TTLL12: variants seen among roughly 807,000 people sequenced by gnomAD.
TTLL12 encodes tubulin tyrosine ligase like 12.
TTLL12 carries 77 observed loss-of-function variants against 79.6 expected under a neutral mutation model. The observed-to-expected ratio is 0.97, with a 90% CI of 0.81 to 1.17. The LOEUF (loss-of-function observed/expected upper bound fraction) is 1.17. TTLL12 is among the 50% of genes most tolerant of loss of function. The pLI, the probability that TTLL12 is intolerant of heterozygous loss-of-function variation, is 0.00. For missense variants in TTLL12, 969 were observed against 895.9 expected (o/e 1.08, Z -1.04); for synonymous variants, 437 against 376.1 (o/e 1.16, Z -1.87).
At chr22:43,173,886 C>A (rs1036559171) in intron 8 of TTLL12, 60 bp from the exon 9 acceptor site, 4 of 1,486,090 alleles carry the variant, frequency 2.7e-6, no homozygotes, top group African/African-American at 2.8e-5. Context: ...GATGGTGCCA[C>A]CCCAGGACCC....
In TTLL12 at chr22:43,184,502, G is replaced by C. The variant is rs938239240; in HGVS notation, c.178-1353C>G. ...AACATGAGGCTACGGGGTGAGGATG[G>C]AAAGGAACTCCACGCAGAGGGAAGA... On this transcript the variant is annotated intron_variant, in intron 1 of 13. Transcript: ENST00000216129. Among the ~76,000 whole-genome samples the C allele has an allele frequency of 3.9e-5, 6 of 152,244 alleles. No individual in the cohort carries two copies. In the South Asian group the frequency reaches 1.2e-3, roughly 31 times the overall value.
intron 8 of TTLL12, 151 bp downstream of exon 8, chr22:43,174,058 G>A: frequency 8.6e-7 from 1 of 1,157,778 alleles, no homozygotes; most frequent in Non-Finnish European, 1.2e-6. Context: ...AGGTCCTGCG[G>A]TCCGTGAAGA....
chr22:43,167,529 T>G lies in TTLL12; in HGVS notation c.*479A>C, dbSNP rs1001102176. 1.0e-5 allele frequency: 2 copies of G among 200,916 alleles called. No individual in the cohort carries two copies. The highest frequency in any genetic ancestry group is 4.7e-5 in the African/African-American group (2 of 42,718). The allele number at this position is 200,916 out of a possible 1,614,324, so 12.4% of individuals were successfully genotyped here. On this transcript the variant is annotated 3_prime_UTR_variant, in exon 14 of 14. Transcript: ENST00000216129. ...CACAGCCGTCCCGGGGTCGTCCTGATGCATAAGAGCAGAGACCCCGGAAGA... is the reference window on the plus strand; with the variant it reads ...CACAGCCGTCCCGGGGTCGTCCTGAGGCATAAGAGCAGAGACCCCGGAAGA...
Position 43,168,829 on chromosome 22 carries a change from T to C in TTLL12, c.1728A>G (p.Ser576=), listed in dbSNP as rs762903944. ...GGTCGACGGCATACATGGCCCGGGA[T>C]GAGGGGTAGTCGCAGAGGCCCAGGG... The part of the protein sequence containing the change: ...PPPLGLCDYP[S]SRAMYAVDLM... The change falls in exon 13 of 14, where the codon TCA becomes TCG. Residue 576 remains serine (S), a synonymous_variant. Coordinates refer to ENST00000216129, the MANE Select transcript of TTLL12 (RefSeq NM_015140.4). The C allele has an allele frequency of 7.5e-6, 12 of 1,596,920 alleles. No homozygotes were observed. Among genetic ancestry groups the C allele is most frequent in the Middle Eastern group, 1.7e-4 (1 of 6,042 alleles).
rs1372399553 is a variant in TTLL12 at position 43,174,523 on chromosome 22, T to C, written c.1010A>G (p.Asn337Ser). 2 of 1,613,114 alleles carry C rather than the reference T, an allele frequency of 1.2e-6. No individual in the cohort carries two copies. The highest frequency in any genetic ancestry group is 1.3e-5 in the African/African-American group (1 of 74,918). The change falls in exon 7 of 14, where the codon AAC (asparagine) becomes AGC (serine). Residue 337 changes from asparagine (N) to serine (S), a missense_variant. Coordinates refer to ENST00000216129, the MANE Select transcript of TTLL12 (RefSeq NM_015140.4). ...CCTGTAGTCCTTGAAGTGTGAGAAG[T>C]TGAAGAGGATGTCGGCGTCCGCCTC... is the stretch of plus-strand genomic sequence containing the variant. ...QSEADADILF[N>S]FSHFKDYRKL... is the part of the protein sequence containing the mutation.
At chr22:43,185,259 A>C (rs1407494607) in intron 1 of TTLL12, among the ~76,000 whole-genome samples, 187 of 7,640 alleles carry the variant, frequency 0.024, 40 homozygotes, top group Non-Finnish European at 0.062. Flanking sequence ...ATATATATAT[A>C]TATATATATA....
chr22:43,168,727 A>G (rs763612310), intron 13 of TTLL12, 47 bp downstream of exon 13: 2 of 1,542,658 alleles, frequency 1.3e-6, no homozygotes, highest in Admixed American at 2.0e-5. Context: ...TGGCTGGCGG[A>G]GGGGGCGCCT....
chr22:43,176,321 T>TG lies in TTLL12; in HGVS notation c.915dup (p.Lys306GlnfsTer24). On this transcript the variant is annotated frameshift_variant and splice_region_variant, in exon 6 of 14. Coordinates refer to ENST00000216129, the MANE Select transcript of TTLL12 (RefSeq NM_015140.4). LOFTEE classifies it high-confidence loss of function. Reference sequence around the variant, plus strand: ...AAGCAGTGGGGGGGGGCTACGCACTTGAAGATGTGGCCGTGGGGGTGCACC... The same window carrying TG: ...AAGCAGTGGGGGGGGGCTACGCACTTGGAAGATGTGGCCGTGGGGGTGCACC... The TG allele has an allele frequency of 6.3e-7, 1 of 1,593,154 alleles. No individual in the cohort carries two copies. Among genetic ancestry groups the TG allele is most frequent in the South Asian group, 1.1e-5 (1 of 87,536 alleles).
At chr22:43,168,994 G>T in intron 12 of TTLL12, 82 bp from the exon 13 acceptor site, 1 of 1,486,204 alleles carries the variant, frequency 6.7e-7, no homozygotes, top group Non-Finnish European at 8.9e-7. Context: ...CCCAAGTCCC[G>T]GGCCCCACGT....
At chr22:43,182,006 CGG>C (rs1569486934) in intron 2 of TTLL12, among the ~76,000 whole-genome samples, 1 of 86,730 alleles carries the variant, frequency 1.2e-5, no homozygotes, top group East Asian at 4.3e-4. Flanking sequence ...GATGAAGGCC[CGG>C]AAGCAGAAAG....
intron 2 of TTLL12, among the ~76,000 whole-genome samples, chr22:43,181,286 C>T (rs1932050157): frequency 6.6e-6 from 1 of 152,250 alleles, no homozygotes; most frequent in African/African-American, 2.4e-5. Context: ...AATAAACACA[C>T]CAGCAGTCAC....
Position 43,173,754 on chromosome 22 carries a change from G to A in TTLL12, c.1302C>T (p.Ser434=), listed in dbSNP as rs746940791. ...CTCGGTGCCGGATGATGCTGTGCAG[G>A]CTCTTGGTGACGTGGGTGTCCAGGC... ...ARSLDTHVTK[S]LHSIIRHRES... is the part of the protein sequence containing the mutation. The change falls in exon 9 of 14, where the codon AGC becomes AGT. Residue 434 remains serine, a synonymous_variant. Coordinates refer to ENST00000216129, the MANE Select transcript of TTLL12 (RefSeq NM_015140.4). The A allele has an allele frequency of 6.2e-7, 1 of 1,604,454 alleles. No individual in the cohort carries two copies. The highest frequency in any genetic ancestry group is 2.2e-5 in the East Asian group (1 of 44,870).
intron 12 of TTLL12, 57 bp from the exon 13 acceptor site, chr22:43,168,969 G>C: frequency 6.5e-7 from 1 of 1,541,794 alleles, no homozygotes; most frequent in Non-Finnish European, 8.7e-7. Flanking sequence ...CTCAAGAGGG[G>C]GTCTGCTGCC....
rs779640627 is a variant in TTLL12, at chr22:43,173,799, C to T, written c.1257G>A (p.Lys419=). ...CCAGGCTGCGCGCCAGGTTCCAGGG[C>T]TTGCAGATCCAGTGGTTGTCCTCGC... ...RWGEDNHWIC[K]PWNLARSLDT... is the part of the protein sequence containing the mutation. Residue 419 remains lysine, a synonymous_variant, in exon 9 of 14, where the codon AAG becomes AAA. Coordinates refer to ENST00000216129, the MANE Select transcript of TTLL12 (RefSeq NM_015140.4). 3.1e-6 allele frequency: 5 copies of T among 1,604,572 alleles called. No homozygotes were observed. The South Asian group carries it at 4.4e-5, about 14-fold the overall frequency.
In TTLL12 at chr22:43,171,981, C is replaced by T. The variant is rs1348021737; in HGVS notation, c.1494-81G>A. On this transcript the variant is annotated intron_variant, in intron 10 of 13. Coordinates refer to ENST00000216129, the MANE Select transcript of TTLL12 (RefSeq NM_015140.4). The stretch of plus-strand genomic sequence containing the variant: ...GGGAGGTGCCACCCACTCAGCCTTC[C>T]CAACTAGGGGTTCAGGGCTCAGGGC... The T allele has an allele frequency of 6.5e-6, 8 of 1,227,096 alleles. No individual in the cohort carries two copies. The East Asian group carries it at 2.0e-4, about 31-fold the overall frequency. 76.0% of individuals were successfully genotyped at this position (1,227,096 alleles called of 1,614,324 possible).
intron 6 of TTLL12, 49 bp downstream of exon 6, chr22:43,176,271 G>C: frequency 1.5e-6 from 2 of 1,355,276 alleles, no homozygotes; most frequent in Non-Finnish European, 2.1e-6. Flanking sequence ...CATGGGAGGC[G>C]GGGACTGCGG....
At chr22:43,174,465 C>T (rs770902732) in intron 7 of TTLL12, 34 bp downstream of exon 7, 48 of 1,581,242 alleles carry the variant, frequency 3.0e-5, no homozygotes, top group Non-Finnish European at 4.1e-5. Context: ...GAAGCCCTGA[C>T]TGGGAGGGCC....
At chr22:43,174,170 A>G (rs1467292778) in intron 8 of TTLL12, 39 bp downstream of exon 8, 3 of 1,579,606 alleles carry the variant, frequency 1.9e-6, no homozygotes, top group South Asian at 1.1e-5. Context: ...GCCGGGGAAA[A>G]GGGCCATGGA....
Position 43,180,764 on chromosome 22 carries a change from T to TG in TTLL12, c.523dup (p.Gln175ProfsTer11). 1 of 1,613,094 alleles carries TG rather than the reference T, an allele frequency of 6.2e-7. No homozygotes were observed. The highest frequency in any genetic ancestry group is 8.5e-7 in the Non-Finnish European group (1 of 1,179,964). On this transcript the variant is annotated frameshift_variant, in exon 3 of 14. Transcript: ENST00000216129. LOFTEE classifies it high-confidence loss of function. ...CACCCCATGGGCCAGCTGGTAGGTCTGGTTGAACTTCCACATCTCCTCCAG... is the reference window on the plus strand; with the variant it reads ...CACCCCATGGGCCAGCTGGTAGGTCTGGGTTGAACTTCCACATCTCCTCCAG...
Sources: allele counts gnomAD v4.1 joint callset (sites outside exome capture counted in the v4.1 genomes callset), GRCh38; gene constraint gnomAD v4.1.1; transcripts MANE v1.5; gene names NCBI Gene and HGNC (gene_info 2026-07-23, HGNC 2026-07-21).